RBBP8: variants seen among roughly 807,000 people sequenced by gnomAD.
The protein encoded by RBBP8 is RB binding protein 8, endonuclease.
In RBBP8, 88 loss-of-function variants were observed where a neutral mutation model predicts 108.3. That is an observed-to-expected ratio of 0.81 (90% CI 0.68 to 0.97). The LOEUF is 0.97. Ranked by LOEUF, RBBP8 falls within the 50% of genes least tolerant of loss-of-function variation. RBBP8 has a pLI of 0.00. For missense variants in RBBP8, 1,023 were observed against 1,049.0 expected (o/e 0.98, Z 0.34); for synonymous variants, 332 against 348.2 (o/e 0.95, Z 0.52).
At chr18:23,017,014 T>A (rs371472115) in intron 17 of RBBP8, 90 bp downstream of exon 17, 3 of 1,007,608 alleles carry the variant, frequency 3.0e-6, no homozygotes, top group African/African-American at 3.2e-5. Context: ...ACAAACCATA[T>A]TGGTTATAGA....
chr18:22,993,313 C>T lies in RBBP8; in HGVS notation c.1486C>T (p.Arg496Ter), dbSNP rs145578344. Residue 496 changes from arginine (R) to a stop codon, truncating the protein, a stop_gained, in exon 11 of 19, where the codon CGA (arginine) becomes TGA (stop). Coordinates refer to ENST00000327155, the MANE Select transcript of RBBP8 (RefSeq NM_002894.3). LOFTEE classifies it high-confidence loss of function. ...VMDKPLDLSDRFSAIQRQEKS... is the reference protein window; with the variant it reads ...VMDKPLDLSD Reference sequence around the variant, plus strand: ...GGATAAACCTCTGGATCTGTCTGATCGATTTTCAGCTATTCAGCGTCAAGA... The same window carrying T: ...GGATAAACCTCTGGATCTGTCTGATTGATTTTCAGCTATTCAGCGTCAAGA... 29 of 1,614,040 alleles carry T rather than the reference C, an allele frequency of 1.8e-5. No individual in the cohort carries two copies. The highest frequency in any genetic ancestry group is 2.4e-5 in the Non-Finnish European group (28 of 1,180,018).
intron 4 of RBBP8, among the ~76,000 whole-genome samples, chr18:22,960,646 G>A (rs1422337553): frequency 6.6e-6 from 1 of 152,066 alleles, no homozygotes; most frequent in Non-Finnish European, 1.5e-5. Flanking sequence ...TCCAAGCTGG[G>A]GCGCAGTAGT....
chr18:22,918,787 A>C (rs1210910467), intron 3 of RBBP8, among the ~76,000 whole-genome samples: 4 of 152,134 alleles, frequency 2.6e-5, no homozygotes, highest in East Asian at 1.9e-4. Context: ...TTTTTTAAAA[A>C]TTTTTTGTAG....
At chr18:22,934,181 G>C (rs1485144946) in intron 1 of RBBP8, 2 of 152,302 alleles carry the variant, frequency 1.3e-5, no homozygotes, top group Non-Finnish European at 2.9e-5. Flanking sequence ...CGTTCTGAGA[G>C]ATTGAAAAAT....
In RBBP8 at chr18:22,997,705, AG is replaced by A; in HGVS notation, c.2115del (p.Lys705AsnfsTer16). On this transcript the variant is annotated frameshift_variant, in exon 14 of 19. Transcript: ENST00000327155. LOFTEE classifies it high-confidence loss of function. Reference sequence around the variant, plus strand: ...GAAACCGTTCTCTTAAAAATGAAGAAGCAAGAGCAGAAGGGAGAAAAAAGTT... The same window carrying A: ...GAAACCGTTCTCTTAAAAATGAAGAACAAGAGCAGAAGGGAGAAAAAAGTT... ...VSETVLLKMK[K>X]QEQKGEKSSN... The A allele has an allele frequency of 6.2e-7, 1 of 1,605,420 alleles. No homozygotes were observed. The highest frequency in any genetic ancestry group is 8.5e-7 in the Non-Finnish European group (1 of 1,174,400).
At chr18:23,022,988 C>T (rs1417882254) in intron 18 of RBBP8, among the ~76,000 whole-genome samples, 1 of 151,824 alleles carries the variant, frequency 6.6e-6, no homozygotes, top group African/African-American at 2.4e-5. Flanking sequence ...CTGATGCCTC[C>T]GACTTATGGG....
intron 2 of RBBP8, among the ~76,000 whole-genome samples, chr18:22,937,929 G>A (rs569732775): frequency 1.4e-4 from 21 of 152,186 alleles, no homozygotes; most frequent in African/African-American, 4.3e-4. Context: ...AGGCTCAGGT[G>A]TTCCTCCCAC....
chr18:22,992,168 C>T (rs772454701), intron 10 of RBBP8, among the ~76,000 whole-genome samples: 13 of 151,974 alleles, frequency 8.6e-5, no homozygotes, highest in Non-Finnish European at 1.5e-4. Context: ...GATCAAATGT[C>T]GTAACAAAAG....
At position 23,016,854 on chromosome 18, in the gene RBBP8, A is replaced by C. The variant is rs1262940380; in HGVS notation, c.2384A>C (p.His795Pro). ...ERETSLQNFP[H>P]IEVVRKKEER... Reference sequence around the variant, plus strand: ...GAGACTAGCTTGCAAAATTTTCCTCATATTGAGGTGGTTCGGAAAAAAGAG... The same window carrying C: ...GAGACTAGCTTGCAAAATTTTCCTCCTATTGAGGTGGTTCGGAAAAAAGAG... Residue 795 changes from histidine (H) to proline (P), a missense_variant, in exon 17 of 19, where the codon CAT becomes CCT. Transcript: ENST00000327155. The C allele has an allele frequency of 6.2e-7, 1 of 1,613,862 alleles. No individual in the cohort carries two copies. The highest frequency in any genetic ancestry group is 1.1e-5 in the South Asian group (1 of 91,076).
intron 2 of RBBP8, among the ~76,000 whole-genome samples, chr18:22,945,206 A>C (rs1290567313): frequency 6.6e-6 from 1 of 152,182 alleles, no homozygotes; most frequent in South Asian, 2.1e-4. Flanking sequence ...ACTGATTGAG[A>C]AATTAAAGAG....
chr18:22,966,423 T>C (rs769751359), intron 4 of RBBP8, among the ~76,000 whole-genome samples: 1 of 152,118 alleles, frequency 6.6e-6, no homozygotes, highest in Non-Finnish European at 1.5e-5. Context: ...TTGTTTCATA[T>C]GAGTTTTACT....
intron 16 of RBBP8, 64 bp downstream of exon 16, chr18:23,006,496 C>G: frequency 7.4e-7 from 1 of 1,343,142 alleles, no homozygotes; most frequent in Non-Finnish European, 1.1e-6. Context: ...TCTTTTATTT[C>G]TCTCTCTTTT....
intron 6 of RBBP8, chr18:22,977,986 T>A (rs1327907223): frequency 6.6e-6 from 1 of 152,206 alleles, no homozygotes; most frequent in Non-Finnish European, 1.5e-5. Context: ...TAAAAATGTT[T>A]TAGTTCGTCA....
At chr18:22,932,680 A>C (rs1287543017), upstream of RBBP8, among the ~76,000 whole-genome samples, 1 of 152,182 alleles carries the variant, frequency 6.6e-6, no homozygotes, top group Non-Finnish European at 1.5e-5. Flanking sequence ...TGGTCTAAAA[A>C]CGATTCTTTT....
At chr18:22,996,533 T>C (rs1449351330) in intron 13 of RBBP8, 71 bp downstream of exon 13, 6 of 1,578,708 alleles carry the variant, frequency 3.8e-6, no homozygotes, top group Non-Finnish European at 4.3e-6. Flanking sequence ...CCTCCTCTCG[T>C]GACTCACTGT....
intron 1 of RBBP8, among the ~76,000 whole-genome samples, chr18:22,936,277 T>G (rs907345785): frequency 6.6e-6 from 1 of 151,812 alleles, no homozygotes; most frequent in Admixed American, 6.6e-5. Flanking sequence ...AATTTTTGTA[T>G]TTTTAGTAAA....
In RBBP8 at chr18:23,016,826, A is replaced by G. The variant is rs761376714; in HGVS notation, c.2358-2A>G. On this transcript the variant is annotated splice_acceptor_variant, in intron 16 of 18. Transcript: ENST00000327155. LOFTEE classifies it high-confidence loss of function. ...TGTTAATTTAATTCATTTTTCCCCCAGAGAGACTAGCTTGCAAAATTTTCC... is the reference window on the plus strand; with the variant it reads ...TGTTAATTTAATTCATTTTTCCCCCGGAGAGACTAGCTTGCAAAATTTTCC... The G allele has an allele frequency of 2.5e-6, 4 of 1,606,408 alleles. No homozygotes were observed. The highest frequency in any genetic ancestry group is 3.3e-5 in the Admixed American group (2 of 59,990).
At chr18:22,981,092 C>G (rs986473085) in intron 6 of RBBP8, among the ~76,000 whole-genome samples, 5 of 149,616 alleles carry the variant, frequency 3.3e-5, no homozygotes, top group Non-Finnish European at 5.9e-5. Context: ...CTGCCTCAGT[C>G]TCCCGGGAGC....
chr18:22,971,098 A>G (rs1008794967), intron 5 of RBBP8, among the ~76,000 whole-genome samples: 6 of 151,978 alleles, frequency 3.9e-5, no homozygotes, highest in African/African-American at 1.4e-4. Context: ...TTCATACAAG[A>G]AGGAAGAAGC....
Sources: gnomAD v4.1 joint callset for allele counts (sites outside exome capture counted in the v4.1 genomes callset) on GRCh38, gnomAD v4.1.1 for gene constraint, MANE v1.5 for transcripts, NCBI Gene and HGNC (gene_info 2026-07-23, HGNC 2026-07-21) for gene names.